Variants in IFT122 observed in about 807,000 individuals in gnomAD.
IFT122 encodes intraflagellar transport 122.
Under a neutral mutation model 161.6 loss-of-function variants are expected in IFT122, and 118 were observed. The observed-to-expected ratio is 0.73, with a 90% CI of 0.63 to 0.85. The LOEUF is 0.85. Among genes scored for constraint, IFT122 ranks in the 40% least tolerant of loss-of-function variants. The pLI is 0.00. For synonymous variants in IFT122, 550 were observed against 602.4 expected (o/e 0.91, Z 1.27); for missense variants, 1,381 against 1,579.6 (o/e 0.87, Z 2.13).
At chr3:129,476,945 CTTT>C (rs952499116) in intron 11 of IFT122, 144 bp downstream of exon 11, 6,481 of 622,074 alleles carry the variant, frequency 0.01, no homozygotes, top group East Asian at 0.013. Context: ...GTCTTGTTTT[CTTT>C]TTTTTTTTTT....
intron 27 of IFT122, among the ~76,000 whole-genome samples, chr3:129,518,146 C>G (rs1339399283): frequency 6.6e-6 from 1 of 152,190 alleles, no homozygotes; most frequent in South Asian, 2.1e-4. Flanking sequence ...CCCCGTGGTG[C>G]CCCCATAACA....
chr3:129,511,815 G>A (rs990574368), intron 23 of IFT122, among the ~76,000 whole-genome samples: 1 of 152,206 alleles, frequency 6.6e-6, no homozygotes, highest in African/African-American at 2.4e-5. Flanking sequence ...GAGGCATGTG[G>A]GTTCATGCTG....
intron 5 of IFT122, among the ~76,000 whole-genome samples, chr3:129,461,959 CT>C (rs1421312724): frequency 1.3e-5 from 2 of 152,194 alleles, no homozygotes; most frequent in African/African-American, 4.8e-5. Context: ...CTGTTTTCAG[CT>C]CTATCAGTCT....
In IFT122 at chr3:129,479,088, G is replaced by A. The variant is rs141571089; in HGVS notation, c.1351-697G>A. On this transcript the variant is annotated intron_variant, in intron 12 of 29. Transcript: ENST00000348417. ...GTGATAAAAGAGAAGAATTCCTTAG[G>A]AATCACTGTAGTGTAAAATACTATT... Among the ~76,000 whole-genome samples the A allele has an allele frequency of 3.9e-5, 6 of 152,054 alleles. No individual in the cohort carries two copies. The East Asian group carries it at 1.2e-3, about 29-fold the overall frequency.
intron 19 of IFT122, among the ~76,000 whole-genome samples, chr3:129,500,487 TAGCCTCTG>T (rs1213477037): frequency 6.6e-6 from 1 of 152,242 alleles, no homozygotes; most frequent in Non-Finnish European, 1.5e-5. Flanking sequence ...AGCTGAGCTT[TAGCCTCTG>T]ATCTGCTGGA....
At position 129,515,814 on chromosome 3, in the gene IFT122, A is replaced by G. The variant is rs956245543; in HGVS notation, c.3265+215A>G. 2.2e-4 allele frequency among the ~76,000 whole-genome samples: 34 copies of G among 152,150 alleles called. 1 individual carries two copies. The highest frequency in any genetic ancestry group is 7.8e-4 in the Admixed American group (12 of 15,288). ...ACCCACTGCTGCCCAAAGCTGAAGCACCCACTCTGGGAACCTGGCGCAGGG... is the reference window on the plus strand; with the variant it reads ...ACCCACTGCTGCCCAAAGCTGAAGCGCCCACTCTGGGAACCTGGCGCAGGG... On this transcript the variant is annotated intron_variant, in intron 26 of 29. Coordinates refer to ENST00000348417, the MANE Select transcript of IFT122 (RefSeq NM_052989.3).
chr3:129,492,024 C>A lies in IFT122; in HGVS notation c.1993-117C>A, dbSNP rs2285353. On this transcript the variant is annotated intron_variant, in intron 16 of 29. Coordinates refer to ENST00000348417, the MANE Select transcript of IFT122 (RefSeq NM_052989.3). ...CACGATGATTAATCTGTGCTTGCTC[C>A]CTTCCTCTCCTCTGTGGCTCACTGT... 0.076 allele frequency: 61,107 copies of A among 808,864 alleles called. 3,512 individuals are homozygous for A. Among genetic ancestry groups the A allele is most frequent in the African/African-American group, 0.22 (13,062 of 59,096 alleles). 50.1% of individuals were successfully genotyped at this position (808,864 alleles called of 1,614,324 possible). A position where few individuals can be genotyped will look rare whatever the true frequency, so the allele number is the denominator to read the frequency against.
At chr3:129,448,555 A>G (rs944168226) in intron 1 of IFT122, among the ~76,000 whole-genome samples, 2 of 152,150 alleles carry the variant, frequency 1.3e-5, no homozygotes, top group African/African-American at 4.8e-5. Context: ...CCGTTTCTTT[A>G]CTGTACACGT....
At chr3:129,470,238 T>TTTTATTTATTTA (rs143376223) in intron 9 of IFT122, among the ~76,000 whole-genome samples, 1 of 151,178 alleles carries the variant, frequency 6.6e-6, no homozygotes, top group African/African-American at 2.4e-5. Flanking sequence ...GGGTATGATT[T>TTTTATTTATTTA]TTTATTTATT....
chr3:129,504,129 T>A, intron 20 of IFT122, 190 bp from the exon 21 acceptor site: 1 of 583,600 alleles, frequency 1.7e-6, no homozygotes, highest in Non-Finnish European at 3.1e-6. Flanking sequence ...TTGCTGTTAA[T>A]TGCCTTTTGT....
chr3:129,470,381 A>T (rs1435671681), intron 9 of IFT122, among the ~76,000 whole-genome samples: 1 of 151,932 alleles, frequency 6.6e-6, no homozygotes, highest in East Asian at 1.9e-4. Flanking sequence ...CTCCTACCTC[A>T]GCCTCCTGAG....
intron 16 of IFT122, among the ~76,000 whole-genome samples, chr3:129,490,020 A>G (rs1025966338): frequency 3.2e-4 from 49 of 151,500 alleles, no homozygotes; most frequent in African/African-American, 1.2e-3. Flanking sequence ...ATAAATATAT[A>G]TATTTTTATA....
intron 5 of IFT122, chr3:129,463,310 C>T: frequency 2.2e-6 from 1 of 461,054 alleles, no homozygotes. Context: ...CATATCTACT[C>T]ACCTTACCTC....
intron 25 of IFT122, chr3:129,515,142 G>A (rs1003962622): frequency 3.6e-5 from 16 of 447,032 alleles, no homozygotes; most frequent in South Asian, 3.4e-4. Flanking sequence ...GGCTAAATGA[G>A]CCAGTATAGT....
At chr3:129,514,360 C>G (rs1279030575) in intron 24 of IFT122, 29 bp from the exon 25 acceptor site, 6 of 1,613,300 alleles carry the variant, frequency 3.7e-6, no homozygotes, top group Non-Finnish European at 5.1e-6. Flanking sequence ...TGGTGTTGCC[C>G]CTGCTGTCCT....
At chr3:129,497,140 G>A (rs548664989) in intron 18 of IFT122, among the ~76,000 whole-genome samples, 3 of 152,272 alleles carry the variant, frequency 2.0e-5, no homozygotes, top group East Asian at 1.9e-4. Flanking sequence ...AAATTAGCTG[G>A]TGCCTGTAGT....
intron 1 of IFT122, among the ~76,000 whole-genome samples, chr3:129,442,604 A>G (rs890698564): frequency 2.6e-5 from 4 of 151,954 alleles, no homozygotes; most frequent in African/African-American, 7.2e-5. Context: ...CAGTAGAACT[A>G]AAAAAATCCT....
In IFT122 at chr3:129,514,432, G is replaced by A. The variant is rs199622112; in HGVS notation, c.3031G>A (p.Ala1011Thr). The change falls in exon 25 of 30, where the codon GCC (alanine) becomes ACC (threonine). Residue 1011 changes from alanine (A) to threonine (T), a missense_variant. This residue lies in a region of IFT122 where 496 missense variants were observed against 502.5 expected (regional missense o/e 0.99). Transcript: ENST00000348417. ...TLAKQSKALGAYRLARHAYDK... is the reference protein window; with the variant it reads ...TLAKQSKALGTYRLARHAYDK... ...GGCCAAGCAGAGCAAGGCCCTCGGT[G>A]CCTACAGGCTGGCCCGGCACGCCTA... 5.6e-6 allele frequency: 9 copies of A among 1,614,192 alleles called. No individual in the cohort carries two copies. The South Asian group carries it at 9.9e-5, about 18-fold the overall frequency.
chr3:129,504,439 T>A lies in IFT122; in HGVS notation c.2650+18T>A. 1.9e-6 allele frequency: 3 copies of A among 1,595,414 alleles called. No individual in the cohort carries two copies. Among genetic ancestry groups the A allele is most frequent in the East Asian group, 4.5e-5 (2 of 44,796 alleles). ...CCAGAAAGGTAGGCAACACAGACTG[T>A]CACCTTCTAGAAGGAGCAGGAGAAG... On this transcript the variant is annotated intron_variant, in intron 21 of 29. Coordinates refer to ENST00000348417, the MANE Select transcript of IFT122 (RefSeq NM_052989.3).
Sources: gnomAD v4.1 joint callset for allele counts (sites outside exome capture counted in the v4.1 genomes callset) on GRCh38, gnomAD v4.1.1 for gene constraint, gnomAD v4.1.1 regional missense constraint, MANE v1.5 for transcripts, NCBI Gene and HGNC (gene_info 2026-07-23, HGNC 2026-07-21) for gene names.